Variants in WRAP53 observed in about 807,000 individuals in gnomAD.
WRAP53 encodes telomerase Cajal body protein 1.
WRAP53 carries 28 observed loss-of-function variants against 56.6 expected under a neutral mutation model. That is an observed-to-expected ratio of 0.50 (90% CI 0.37 to 0.68). The LOEUF is 0.68. Among genes scored for constraint, WRAP53 ranks in the 30% least tolerant of loss-of-function variants. WRAP53 has a pLI of 0.00. For missense variants in WRAP53, 671 were observed against 715.5 expected, an observed-to-expected ratio of 0.94 and a Z score of 0.71; for synonymous variants, 283 against 283.4, an observed-to-expected ratio of 1.00 and a Z score of 0.01.
At chr17:7,697,138 T>C (rs1423060852) in intron 4 of WRAP53, among the ~76,000 whole-genome samples, 1 of 151,840 alleles carries the variant, frequency 6.6e-6, no homozygotes, top group African/African-American at 2.4e-5. Flanking sequence ...CTGACCAACA[T>C]GGCAAAATCC....
chr17:7,701,683 C>T lies in WRAP53; in HGVS notation c.849C>T (p.Leu283=). The T allele has an allele frequency of 6.2e-7, 1 of 1,614,262 alleles. No individual in the cohort carries two copies. Among genetic ancestry groups the T allele is most frequent in the South Asian group, 1.1e-5 (1 of 91,084 alleles). Residue 283 remains leucine (L), a synonymous_variant, in exon 7 of 11, where the codon CTC becomes CTT. Coordinates refer to ENST00000396463, the MANE Select transcript of WRAP53 (RefSeq NM_001143992.2). This position sits in a 1 kb window ranked among gnomAD's most constrained non-coding sequence, Gnocchi z 4.2. ...ATGAGCTGACGGCAGCCCATTCGCTCTGCTTCTCCCCGGATGGCTCCCAGC... is the reference window on the plus strand; with the variant it reads ...ATGAGCTGACGGCAGCCCATTCGCTTTGCTTCTCCCCGGATGGCTCCCAGC... ...HLDELTAAHS[L]CFSPDGSQLF...
At chr17:7,699,494 A>ATT (rs2074239151) in intron 4 of WRAP53, among the ~76,000 whole-genome samples, 2 of 11,672 alleles carry the variant, frequency 1.7e-4, no homozygotes, top group Non-Finnish European at 1.4e-4. Context: ...ATATATATAT[A>ATT]TATATATTTA....
chr17:7,695,045 C>T (rs1291547688), intron 4 of WRAP53, among the ~76,000 whole-genome samples: 1 of 151,952 alleles, frequency 6.6e-6, no homozygotes, highest in African/African-American at 2.4e-5. Flanking sequence ...CTCCGCCTCC[C>T]GGGTTCACGC....
chr17:7,702,901 G>A lies in WRAP53; in HGVS notation c.1268+55G>A. ...GGCCCTGATAAGCCTAGGAATGCCAGAGCCCAGCTGTAGGGTCCCAGTCCC... is the reference window on the plus strand; with the variant it reads ...GGCCCTGATAAGCCTAGGAATGCCAAAGCCCAGCTGTAGGGTCCCAGTCCC... On this transcript the variant is annotated intron_variant, in intron 9 of 10. Transcript: ENST00000396463. The surrounding 1 kb of genome is among the most constrained non-coding windows in gnomAD (Gnocchi z 5.0). 1 of 1,612,952 alleles carries A rather than the reference G, an allele frequency of 6.2e-7. No individual in the cohort carries two copies.
rs553312505 is a variant in WRAP53, at chr17:7,698,523, G to A, written c.643-2218G>A. The stretch of plus-strand genomic sequence containing the variant: ...GAGGTGGCTGGATTGCTTGAGGCCA[G>A]GAGTTTTAGACCAGCGTGAGCAACA... On this transcript the variant is annotated intron_variant, in intron 4 of 10. Transcript: ENST00000396463. 1.6e-4 allele frequency among the ~76,000 whole-genome samples: 24 copies of A among 152,230 alleles called. 1 individual carries two copies. Among genetic ancestry groups the A allele is most frequent in the East Asian group, 9.7e-4 (5 of 5,178 alleles).
chr17:7,692,481 C>T (rs1343826153), intron 4 of WRAP53, among the ~76,000 whole-genome samples: 2 of 151,122 alleles, frequency 1.3e-5, no homozygotes, highest in Non-Finnish European at 2.9e-5. Context: ...ATTAGCTGGG[C>T]GTGGTGGCGG....
In WRAP53 at chr17:7,702,481, G is replaced by A. The variant is rs764152004; in HGVS notation, c.1093G>A (p.Gly365Arg). ...DDGSPLALLG[G>R]HQGGITHLCF... ...TGGCTCCCCTCTCGCCTTGCTGGGA[G>A]GGCACCAAGGGGGCATCACCCACCT... Residue 365 changes from glycine (G) to arginine (R), a missense_variant, in exon 8 of 11, where the codon GGG becomes AGG. Gly to Arg is a moderately radical substitution (Grantham distance 125). This residue lies in a region of WRAP53 where 158 missense variants were observed against 215.7 expected (regional missense o/e 0.73). Coordinates refer to ENST00000396463, the MANE Select transcript of WRAP53 (RefSeq NM_001143992.2). The surrounding 1 kb of genome is among the most constrained non-coding windows in gnomAD (Gnocchi z 5.0). The A allele has an allele frequency of 1.9e-6, 3 of 1,613,840 alleles. No individual in the cohort carries two copies. Among genetic ancestry groups the A allele is most frequent in the South Asian group, 1.1e-5 (1 of 91,084 alleles).
In WRAP53 at chr17:7,702,573, G is replaced by T. The variant is rs866853173; in HGVS notation, c.1164+21G>T. On this transcript the variant is annotated intron_variant, in intron 8 of 10. Transcript: ENST00000396463. The surrounding 1 kb of genome is among the most constrained non-coding windows in gnomAD (Gnocchi z 5.0). ...GCAAGGTAGGGGTCACACCCTGAGA[G>T]CCCAAAGCAGCTGGGCAGCGGGGCA... The T allele has an allele frequency of 2.5e-6, 4 of 1,602,906 alleles. No homozygotes were observed. In the South Asian group the frequency reaches 3.3e-5, roughly 13 times the overall value.
Position 7,703,269 on chromosome 17 carries a change from C to T in WRAP53, c.1430C>T (p.Ala477Val). ...CTGCACCCTAGCCTGCCTCTCCTGG[C>T]CACTGCCTCCGGTCAGCGTGTGTTT... ...VSLHPSLPLLATASGQRVFPE... is the reference protein window; with the variant it reads ...VSLHPSLPLLVTASGQRVFPE... The change falls in exon 11 of 11, where the codon GCC becomes GTC. Residue 477 changes from alanine to valine, a missense_variant. This residue lies in a region of WRAP53 where 158 missense variants were observed against 215.7 expected (regional missense o/e 0.73). Transcript: ENST00000396463. 1 of 1,613,798 alleles carries T rather than the reference C, an allele frequency of 6.2e-7. No individual in the cohort carries two copies. Among genetic ancestry groups the T allele is most frequent in the Non-Finnish European group, 8.5e-7 (1 of 1,180,032 alleles).
At chr17:7,689,398 G>C in intron 3 of WRAP53, 76 bp downstream of exon 3, 2 of 1,493,802 alleles carry the variant, frequency 1.3e-6, no homozygotes, top group Non-Finnish European at 1.9e-6. Context: ...TTCTAGGAGA[G>C]GGATGCCCCA....
rs1436844229 is a variant in WRAP53, at chr17:7,702,270, G to A, written c.956-74G>A. 2.0e-6 allele frequency: 3 copies of A among 1,530,550 alleles called. No individual in the cohort carries two copies. The East Asian group carries it at 6.8e-5, about 34-fold the overall frequency. 94.8% of individuals were successfully genotyped at this position (1,530,550 alleles called of 1,614,324 possible). A position where few individuals can be genotyped will look rare whatever the true frequency, so the allele number is the denominator to read the frequency against. ...CAAGCATGTTGGTGCTGGGACGGGAGACAGACCTCTGCTTAGCCTGGTTAG... is the reference window on the plus strand; with the variant it reads ...CAAGCATGTTGGTGCTGGGACGGGAAACAGACCTCTGCTTAGCCTGGTTAG... On this transcript the variant is annotated intron_variant, in intron 7 of 10. Coordinates refer to ENST00000396463, the MANE Select transcript of WRAP53 (RefSeq NM_001143992.2). This position sits in a 1 kb window ranked among gnomAD's most constrained non-coding sequence, Gnocchi z 5.0.
chr17:7,692,272 G>A (rs2074121286), intron 4 of WRAP53, among the ~76,000 whole-genome samples: 1 of 152,056 alleles, frequency 6.6e-6, no homozygotes, highest in Non-Finnish European at 1.5e-5. Flanking sequence ...CTGAGGTGAA[G>A]AGTTTTAGAC....
rs1861948 is a variant in WRAP53 at position 7,703,340 on chromosome 17, C to T, written c.1501C>T (p.Pro501Ser). 1.2e-6 allele frequency: 2 copies of T among 1,613,978 alleles called. No individual in the cohort carries two copies. Among genetic ancestry groups the T allele is most frequent in the Non-Finnish European group, 1.7e-6 (2 of 1,179,994 alleles). The part of the protein sequence containing the change: ...SGDEGEELGL[P>S]LLSTRHVHLE... The stretch of plus-strand genomic sequence containing the variant: ...GGACGAAGGAGAGGAGCTGGGCCTT[C>T]CCTTGCTCTCCACGCGCCACGTCCA... The change falls in exon 11 of 11, where the codon CCC (proline) becomes TCC (serine). Residue 501 changes from proline (P) to serine (S), a missense_variant. Coordinates refer to ENST00000396463, the MANE Select transcript of WRAP53 (RefSeq NM_001143992.2).
In WRAP53 at chr17:7,688,605, G is replaced by A. The variant is rs1226632016; in HGVS notation, c.-1-43G>A. The A allele has an allele frequency of 8.7e-6, 14 of 1,609,628 alleles. No homozygotes were observed. The South Asian group carries it at 1.3e-4, about 15-fold the overall frequency. On this transcript the variant is annotated intron_variant, in intron 1 of 10. Coordinates refer to ENST00000396463, the MANE Select transcript of WRAP53 (RefSeq NM_001143992.2). ...GCGTCGGATCCCTGAGAACTTCGAA[G>A]CCATCCTGGCTGAGGCTAATCTCCG...
chr17:7,687,635 G>A (rs2074031816), upstream of WRAP53: 1 of 398,770 alleles, frequency 2.5e-6, no homozygotes, highest in Admixed American at 4.4e-5. Flanking sequence ...GGAAGCAAAG[G>A]AAATGGAGTT....
intron 4 of WRAP53, among the ~76,000 whole-genome samples, chr17:7,699,522 T>TTTATATATATATATATA: frequency 7.1e-5 from 1 of 14,100 alleles, no homozygotes; most frequent in African/African-American, 3.5e-4. Context: ...ATATATATAT[T>TTTATATATATATATATA]TATATATATA....
At chr17:7,695,348 A>G (rs555413612) in intron 4 of WRAP53, among the ~76,000 whole-genome samples, 7 of 152,056 alleles carry the variant, frequency 4.6e-5, no homozygotes, top group Non-Finnish European at 7.4e-5. Flanking sequence ...TCTTCCCAAT[A>G]TAGTTTCTCG....
intron 4 of WRAP53, among the ~76,000 whole-genome samples, chr17:7,690,114 A>C (rs565631993): frequency 6.6e-6 from 1 of 152,256 alleles, no homozygotes; most frequent in East Asian, 1.9e-4. Context: ...ACACTCGACT[A>C]ATTTTTATAG....
chr17:7,699,508 A>ATATTTT (rs2074242675), intron 4 of WRAP53, among the ~76,000 whole-genome samples: 1 of 25,790 alleles, frequency 3.9e-5, no homozygotes, highest in Non-Finnish European at 6.2e-5. Flanking sequence ...ATATTTATAT[A>ATATTTT]TATATATATA....
Sources: gnomAD v4.1 joint callset for allele counts (sites outside exome capture counted in the v4.1 genomes callset) on GRCh38, gnomAD v4.1.1 for gene constraint, gnomAD v4.1.1 regional missense constraint, Gnocchi (gnomAD v3.1) non-coding constraint, MANE v1.5 for transcripts, NCBI Gene and HGNC (gene_info 2026-07-23, HGNC 2026-07-21) for gene names.